MICU2: variants seen among roughly 807,000 people sequenced by gnomAD.
MICU2 encodes the protein mitochondrial calcium uptake 2.
Under a neutral mutation model 60.4 loss-of-function variants are expected in MICU2, and 64 were observed. The ratio of observed to expected loss-of-function variants is 1.06; its 90% confidence interval spans 0.87 to 1.31. MICU2 has a LOEUF of 1.31. Ranked by LOEUF, MICU2 falls within the 50% of genes most tolerant of loss-of-function variation. The pLI, the probability that MICU2 is intolerant of heterozygous loss-of-function variation, is 0.00. For synonymous variants in MICU2, 201 were observed against 175.0 expected (o/e 1.15, Z -1.17); for missense variants, 569 against 531.0 (o/e 1.07, Z -0.70).
chr13:21,546,645 G>A (rs1382681999), intron 2 of MICU2, among the ~76,000 whole-genome samples: 2 of 152,196 alleles, frequency 1.3e-5, no homozygotes, highest in African/African-American at 4.8e-5. Flanking sequence ...GCCAAGGCTA[G>A]TAGTTTTAGC....
chr13:21,533,172 A>G (rs1047823927), intron 4 of MICU2, among the ~76,000 whole-genome samples: 13 of 152,158 alleles, frequency 8.5e-5, no homozygotes, highest in Non-Finnish European at 1.8e-4. Context: ...TTCTTTAGGT[A>G]AAGAAAAAAT....
intron 6 of MICU2, 94 bp from the exon 7 acceptor site, chr13:21,514,512 A>C: frequency 1.2e-6 from 1 of 822,482 alleles, no homozygotes; most frequent in Non-Finnish European, 2.0e-6. Context: ...TATAAAATAT[A>C]TACTAGTTAT....
chr13:21,527,124 C>A (rs1012320727), intron 4 of MICU2, among the ~76,000 whole-genome samples: 15 of 152,114 alleles, frequency 9.9e-5, no homozygotes, highest in African/African-American at 9.6e-5. Context: ...GACTATAGTA[C>A]GTTTTCAGAT....
At chr13:21,579,485 C>A (rs933040961) in intron 1 of MICU2, among the ~76,000 whole-genome samples, 1 of 151,994 alleles carries the variant, frequency 6.6e-6, no homozygotes, top group Non-Finnish European at 1.5e-5. Flanking sequence ...GGATTACAGG[C>A]TCCCGCCACC....
intron 1 of MICU2, among the ~76,000 whole-genome samples, chr13:21,577,986 A>AAAC (rs1566167113): frequency 1.3e-5 from 2 of 149,766 alleles, no homozygotes; most frequent in African/African-American, 4.9e-5. Flanking sequence ...AAAAAATTTA[A>AAAC]AATAATAATA....
intron 2 of MICU2, among the ~76,000 whole-genome samples, chr13:21,549,899 T>G (rs1036767177): frequency 1.3e-5 from 2 of 152,172 alleles, no homozygotes; most frequent in African/African-American, 4.8e-5. Context: ...GTTGGCTAAT[T>G]ATTAAGAAGT....
chr13:21,549,221 G>T (rs1291260784), intron 2 of MICU2, among the ~76,000 whole-genome samples: 7 of 152,212 alleles, frequency 4.6e-5, no homozygotes, highest in African/African-American at 1.4e-4. Flanking sequence ...GAGCTAGCGT[G>T]CCCAGCTGAC....
chr13:21,557,643 G>T (rs1887739820), intron 2 of MICU2, among the ~76,000 whole-genome samples: 2 of 152,116 alleles, frequency 1.3e-5, no homozygotes, highest in African/African-American at 4.8e-5. Context: ...GGAGATCATG[G>T]GTCAGTGGGT....
At position 21,502,935 on chromosome 13, in the gene MICU2, T is replaced by C. The variant is rs1886211934; in HGVS notation, c.924A>G (p.Ser308=). 5 of 1,610,204 alleles carry C rather than the reference T, an allele frequency of 3.1e-6. No individual in the cohort carries two copies. The highest frequency in any genetic ancestry group is 4.2e-6 in the Non-Finnish European group (5 of 1,179,234). Reference sequence around the variant, plus strand: ...AAAAGGGTATACCAACCTCTCCTGCTGACAACTTCTCTCTCACATTTTTCC... The same window carrying C: ...AAAAGGGTATACCAACCTCTCCTGCCGACAACTTCTCTCTCACATTTTTCC... ...IYWKNVREKL[S]AGESISLDEF... Residue 308 remains serine (S), a synonymous_variant, in exon 9 of 12, where the codon TCA becomes TCG. Transcript: ENST00000382374.
chr13:21,525,086 T>C (rs1346395396), intron 4 of MICU2, among the ~76,000 whole-genome samples: 3 of 152,072 alleles, frequency 2.0e-5, no homozygotes, highest in East Asian at 1.9e-4. Context: ...CAAATATTGG[T>C]GTACAAATAT....
At position 21,548,921 on chromosome 13, in the gene MICU2, GTTTTTTTTTT is replaced by G. The variant is rs34908034; in HGVS notation, c.359-9243_359-9234del. Among the ~76,000 whole-genome samples the G allele has an allele frequency of 3.5e-3, 302 of 86,340 alleles. 1 individual carries two copies. Among genetic ancestry groups the G allele is most frequent in the African/African-American group, 0.012 (281 of 23,072 alleles). The allele number at this position is 86,340 out of a possible 152,430, so 56.6% of individuals were successfully genotyped here. A position where few individuals can be genotyped will look rare whatever the true frequency, so the allele number is the denominator to read the frequency against. On this transcript the variant is annotated intron_variant, in intron 2 of 11. Coordinates refer to ENST00000382374, the MANE Select transcript of MICU2 (RefSeq NM_152726.3). ...GGGAGGAGAGAAGACAAGTTTGAGA[GTTTTTTTTTT>G]TTTTTTTTTTTTTGGGACGGAGTCT...
intron 9 of MICU2, among the ~76,000 whole-genome samples, chr13:21,496,935 G>A (rs555316664): frequency 2.6e-5 from 4 of 152,130 alleles, no homozygotes; most frequent in Middle Eastern, 3.4e-3. Flanking sequence ...GGTGGCAGGC[G>A]CCTGTAGTCC....
chr13:21,545,187 A>C (rs1264402628), intron 2 of MICU2, among the ~76,000 whole-genome samples: 1 of 152,208 alleles, frequency 6.6e-6, no homozygotes, highest in Non-Finnish European at 1.5e-5. Context: ...GAATCAACCT[A>C]AGTGTCCAAC....
intron 4 of MICU2, chr13:21,531,428 G>A: frequency 2.7e-6 from 2 of 741,760 alleles, no homozygotes; most frequent in Non-Finnish European, 4.6e-6. Context: ...TGGTGTCAAA[G>A]TGCATCACAC....
rs371633416 is a variant in MICU2 at position 21,568,334 on chromosome 13, TGTCA to T, written c.211-1394_211-1391del. On this transcript the variant is annotated intron_variant, in intron 1 of 11. Coordinates refer to ENST00000382374, the MANE Select transcript of MICU2 (RefSeq NM_152726.3). ...AGCTAGTTTTACACCTCTTTTGTGT[TGTCA>T]GTGTCTACCAGAATATTGCACGTGT... Among the ~76,000 whole-genome samples the T allele has an allele frequency of 2.2e-3, 328 of 151,810 alleles. 1 individual carries two copies. The highest frequency in any genetic ancestry group is 7.6e-3 in the African/African-American group (312 of 41,272).
chr13:21,533,531 G>C (rs1887057989), intron 4 of MICU2, among the ~76,000 whole-genome samples: 1 of 151,824 alleles, frequency 6.6e-6, no homozygotes, highest in Admixed American at 6.6e-5. Flanking sequence ...CACCGTGTTA[G>C]CCAGGATGGT....
chr13:21,525,779 A>G (rs978308214), intron 4 of MICU2, among the ~76,000 whole-genome samples: 5 of 151,886 alleles, frequency 3.3e-5, no homozygotes, highest in Admixed American at 6.6e-5. Context: ...AGTTCTTTAC[A>G]TATTCTGGTT....
chr13:21,550,759 C>G (rs1210326001), intron 2 of MICU2, among the ~76,000 whole-genome samples: 1 of 149,838 alleles, frequency 6.7e-6, no homozygotes, highest in Non-Finnish European at 1.5e-5. Flanking sequence ...GTACTCTGCT[C>G]TTTACTTGTA....
At chr13:21,531,518 T>C (rs1886999510) in intron 4 of MICU2, among the ~76,000 whole-genome samples, 1 of 152,188 alleles carries the variant, frequency 6.6e-6, no homozygotes, top group Non-Finnish European at 1.5e-5. Context: ...GGGATTCTTC[T>C]AAAGCAAAGT....
Sources: allele counts gnomAD v4.1 joint callset (sites outside exome capture counted in the v4.1 genomes callset), GRCh38; gene constraint gnomAD v4.1.1; transcripts MANE v1.5; gene names NCBI Gene and HGNC (gene_info 2026-07-23, HGNC 2026-07-21).